Variants in FAM9A observed in about 807,000 individuals in gnomAD.
The protein encoded by FAM9A is protein FAM9A.
FAM9A carries 49 observed loss-of-function variants against 25.0 expected under a neutral mutation model. The ratio of observed to expected loss-of-function variants is 1.96; its 90% confidence interval spans 1.56 to 2.48. The LOEUF (loss-of-function observed/expected upper bound fraction) is 2.48, where lower values mean the gene tolerates loss of function less well. FAM9A is among the 30% of genes most tolerant of loss of function. The probability of loss-of-function intolerance (pLI) is 0.00; values close to 1 mark genes in which losing one functional copy is unlikely to be tolerated. For missense variants in FAM9A, 266 were observed against 249.3 expected, an observed-to-expected ratio of 1.07 and a Z score of -0.45; for synonymous variants, 80 against 85.1, an observed-to-expected ratio of 0.94 and a Z score of 0.33.
intron 8 of FAM9A, among the ~76,000 whole-genome samples, chrX:8,791,617 G>A (rs1391716464): frequency 8.9e-6 from 1 of 111,851 alleles, no homozygotes; most frequent in East Asian, 2.8e-4. Flanking sequence ...TACTTTGCTT[G>A]AATAAAATGG....
At chrX:8,800,273 C>T (rs1003896853) in intron 1 of FAM9A, 64 bp from the exon 2 acceptor site, 23 of 984,311 alleles carry the variant, frequency 2.3e-5, no homozygotes, top group Middle Eastern at 2.9e-4. Context: ...GGAGAGCCAA[C>T]GGGATCTCGG....
intron 6 of FAM9A, among the ~76,000 whole-genome samples, chrX:8,795,907 G>T (rs1288086246): frequency 1.8e-5 from 2 of 111,687 alleles, no homozygotes; most frequent in Non-Finnish European, 3.8e-5. Flanking sequence ...ACAACATAAG[G>T]TTGTCCCTTT....
intron 4 of FAM9A, 62 bp from the exon 5 acceptor site, chrX:8,798,243 GA>G (rs949496496): frequency 1.7e-6 from 2 of 1,199,068 alleles, no homozygotes; most frequent in African/African-American, 3.5e-5. Flanking sequence ...TGTTTGTTGG[GA>G]AGATATGTCT....
At position 8,792,076 on chromosome X, in the gene FAM9A, C is replaced by A. The variant is rs546216445; in HGVS notation, c.931-697G>T. On this transcript the variant is annotated intron_variant, in intron 8 of 9. Transcript: ENST00000381003. Reference sequence around the variant, plus strand: ...GCAAAAGGTTTAAATTGGTCTTAGTCAAAAAAAAATTTTTTTAAAGCATTG... The same window carrying A: ...GCAAAAGGTTTAAATTGGTCTTAGTAAAAAAAAAATTTTTTTAAAGCATTG... Among the ~76,000 whole-genome samples the A allele has an allele frequency of 9.0e-5, 10 of 110,848 alleles. No individual in the cohort carries two copies. The South Asian group carries it at 1.5e-3, about 17-fold the overall frequency.
chrX:8,791,380 C>G lies in FAM9A; in HGVS notation c.931-1G>C, dbSNP rs769207031. 1.7e-6 allele frequency: 2 copies of G among 1,196,248 alleles called. No homozygotes were observed. The highest frequency in any genetic ancestry group is 2.3e-6 in the Non-Finnish European group (2 of 887,413). ...AATTGTCTTTAGTGTCCTTGGCAGC[C>G]TAAAAGAAAAAGTCTAGTTCACTGA... On this transcript the variant is annotated splice_acceptor_variant, in intron 8 of 9. Transcript: ENST00000381003. LOFTEE classifies it high-confidence loss of function.
At chrX:8,792,582 C>T (rs1265610091) in intron 8 of FAM9A, among the ~76,000 whole-genome samples, 1 of 111,798 alleles carries the variant, frequency 8.9e-6, no homozygotes, top group East Asian at 2.8e-4. Flanking sequence ...TTAACATTGA[C>T]AGGAAAACTT....
Position 8,793,657 on chromosome X carries a change from C to A in FAM9A, c.930+1G>T. ...GTATTATGTTACCAAATAGAACAGA[C>A]CTTTAGTAATTGCTCAAGTAGCGGC... On this transcript the variant is annotated splice_donor_variant, in intron 8 of 9. Transcript: ENST00000381003. LOFTEE classifies it high-confidence loss of function. The A allele has an allele frequency of 8.3e-7, 1 of 1,200,342 alleles. No individual in the cohort carries two copies.
chrX:8,800,950 T>C (rs746480216), intron 1 of FAM9A, among the ~76,000 whole-genome samples: 74 of 62,106 alleles, frequency 1.2e-3, no homozygotes, highest in African/African-American at 4.5e-3. Context: ...GGGACACTCC[T>C]GGGCCCTGGG....
At chrX:8,794,216 G>C (rs1158573292) in intron 7 of FAM9A, among the ~76,000 whole-genome samples, 1 of 111,411 alleles carries the variant, frequency 9.0e-6, no homozygotes. Context: ...CAACAACAGT[G>C]TTCTCCTCTC....
At chrX:8,791,957 T>TA (rs753568576) in intron 8 of FAM9A, among the ~76,000 whole-genome samples, 5 of 111,624 alleles carry the variant, frequency 4.5e-5, no homozygotes, top group African/African-American at 6.5e-5. Context: ...AATGCACAAA[T>TA]AAAAAAAATT....
rs967636529 is a variant in FAM9A at position 8,791,310 on chromosome X, G to C, written c.*1C>G. The C allele has an allele frequency of 8.3e-6, 10 of 1,199,142 alleles. No homozygotes were observed. The African/African-American group carries it at 1.6e-4, about 19-fold the overall frequency. On this transcript the variant is annotated 3_prime_UTR_variant, in exon 9 of 10. Coordinates refer to ENST00000381003, the MANE Select transcript of FAM9A (RefSeq NM_174951.3). The stretch of plus-strand genomic sequence containing the variant: ...TGACACGATTCTTTTTAAAAACACG[G>C]CTAGTTATCAAGTTCACTTTCTTCA...
chrX:8,792,435 G>A (rs1341027609), intron 8 of FAM9A, among the ~76,000 whole-genome samples: 1 of 110,837 alleles, frequency 9.0e-6, no homozygotes, highest in African/African-American at 3.3e-5. Flanking sequence ...CAGCTGCGGT[G>A]GGAATTTTAA....
Position 8,798,460 on chromosome X carries a change from A to C in FAM9A, c.240T>G (p.Asp80Glu). 1 of 1,211,247 alleles carries C rather than the reference A, an allele frequency of 8.3e-7. No individual in the cohort carries two copies. The highest frequency in any genetic ancestry group is 3.0e-5 in the East Asian group (1 of 33,859). ...KKHTGKDPVR[D>E]ECEERNPFTE... is the part of the protein sequence containing the mutation. ...TAAAAGGGTTTCTTTCCTCACATTC[A>C]TCACGGACTGGATCCTTTCCTGCAT... The change falls in exon 4 of 10, where the codon GAT becomes GAG. Residue 80 changes from aspartate to glutamate, a missense_variant. Coordinates refer to ENST00000381003, the MANE Select transcript of FAM9A (RefSeq NM_174951.3).
rs768045911 is a variant in FAM9A at position 8,795,262 on chromosome X, ACTTCTGCTGCTGCTGCTGCGG to A, written c.626_646del (p.Ala209_Glu215del). 9.4e-6 allele frequency: 11 copies of A among 1,171,125 alleles called. No individual in the cohort carries two copies. The highest frequency in any genetic ancestry group is 5.5e-5 in the South Asian group (3 of 54,630). On this transcript the variant is annotated inframe_deletion, in exon 7 of 10. Transcript: ENST00000381003. ...CTCCTCTTCGTCTTCTACTACTATTACTTCTGCTGCTGCTGCTGCGGCTTCTGCTGCTGCTGCGGCTTCTGC... is the reference window on the plus strand; with the variant it reads ...CTCCTCTTCGTCTTCTACTACTATTACTTCTGCTGCTGCTGCGGCTTCTGC...
chrX:8,796,341 T>G lies in FAM9A; in HGVS notation c.415A>C (p.Lys139Gln). 2 of 1,204,774 alleles carry G rather than the reference T, an allele frequency of 1.7e-6. No homozygotes were observed. The highest frequency in any genetic ancestry group is 2.2e-6 in the Non-Finnish European group (2 of 891,626). ...TTCCTGTAAGCTGCTTTATCTATTTTTATCATTTCTCTTTTTGCAGCAAGG... is the reference window on the plus strand; with the variant it reads ...TTCCTGTAAGCTGCTTTATCTATTTGTATCATTTCTCTTTTTGCAGCAAGG... ...KGLAAKREMIKIDKAAYRKTK... is the reference protein window; with the variant it reads ...KGLAAKREMIQIDKAAYRKTK... The change falls in exon 6 of 10, where the codon AAA (lysine) becomes CAA (glutamine). Residue 139 changes from lysine to glutamine, a missense_variant. Physicochemically the swap from Lys to Gln is moderately conservative, Grantham distance 53. Transcript: ENST00000381003.
Position 8,800,142 on chromosome X carries a change from C to A in FAM9A, c.30G>T (p.Arg10Ser). 8.3e-7 allele frequency: 1 copy of A among 1,209,525 alleles called. No individual in the cohort carries two copies. The highest frequency in any genetic ancestry group is 1.1e-6 in the Non-Finnish European group (1 of 894,422). Residue 10 changes from arginine (R) to serine (S), a missense_variant, in exon 2 of 10, where the codon AGG becomes AGT. Transcript: ENST00000381003. ...CTTCCAACTGAGCTTTGGCAGCCTTCCTGCTGCGCTTCCTGCCCACGGGCT... is the reference window on the plus strand; with the variant it reads ...CTTCCAACTGAGCTTTGGCAGCCTTACTGCTGCGCTTCCTGCCCACGGGCT... MEPVGRKRS[R>S]KAAKAQLEAQ...
chrX:8,795,350 T>C lies in FAM9A; in HGVS notation c.559A>G (p.Lys187Glu), dbSNP rs1392287703. 2.9e-5 allele frequency: 35 copies of C among 1,206,820 alleles called. No homozygotes were observed. Among genetic ancestry groups the C allele is most frequent in the Middle Eastern group, 3.1e-4 (1 of 3,258 alleles). Residue 187 changes from lysine (K) to glutamate (E), a missense_variant, in exon 7 of 10, where the codon AAA becomes GAA. By Grantham distance (56) the Lys-to-Glu change is moderately conservative (BLOSUM62 1). Coordinates refer to ENST00000381003, the MANE Select transcript of FAM9A (RefSeq NM_174951.3). ...VLKEYIAEKQ[K>E]DDEAEEAEAA... ...TCTGCTTCTTCTGCTTCATCATCTT[T>C]CTGCTTCTCTGCGATGTATTCTTTA...
intron 5 of FAM9A, 86 bp downstream of exon 5, chrX:8,798,064 G>C: frequency 1.1e-6 from 1 of 909,642 alleles, no homozygotes. Flanking sequence ...AGACAGTCTC[G>C]TCGTCCACTA....
intron 8 of FAM9A, 62 bp from the exon 9 acceptor site, chrX:8,791,441 G>T: frequency 1.2e-6 from 1 of 861,062 alleles, no homozygotes; most frequent in Admixed American, 3.3e-5. Context: ...TTTAAACAGG[G>T]TTAATCAGAT....
Sources: allele counts gnomAD v4.1 joint callset (sites outside exome capture counted in the v4.1 genomes callset), GRCh38; gene constraint gnomAD v4.1.1; transcripts MANE v1.5; gene names NCBI Gene and HGNC (gene_info 2026-07-23, HGNC 2026-07-21).